Variants in ARHGAP15 observed in about 807,000 individuals in gnomAD.
ARHGAP15 encodes the protein Rho GTPase activating protein 15.
Under a neutral mutation model 63.7 loss-of-function variants are expected in ARHGAP15, and 51 were observed. That is an observed-to-expected ratio of 0.80 (90% CI 0.64 to 1.01). The LOEUF (loss-of-function observed/expected upper bound fraction) is 1.01. ARHGAP15 is among the 50% of genes least tolerant of loss of function. The pLI is 0.00. For synonymous variants in ARHGAP15, 191 were observed against 193.8 expected, an observed-to-expected ratio of 0.99 and a Z score of 0.12; for missense variants, 560 against 564.6, an observed-to-expected ratio of 0.99 and a Z score of 0.08.
chr2:143,434,651 G>A (rs550798685), intron 6 of ARHGAP15, among the ~76,000 whole-genome samples: 1 of 152,210 alleles, frequency 6.6e-6, no homozygotes, highest in East Asian at 1.9e-4. Flanking sequence ...CTAAACCCCT[G>A]AACTCTGTGT....
chr2:143,195,005 C>T (rs1047555688), intron 2 of ARHGAP15, among the ~76,000 whole-genome samples: 21 of 151,954 alleles, frequency 1.4e-4, no homozygotes, highest in Middle Eastern at 3.4e-3. Context: ...GTGCCAGGAG[C>T]GAGAGGCTGG....
At chr2:143,439,241 G>T (rs1689753859) in intron 8 of ARHGAP15, among the ~76,000 whole-genome samples, 1 of 151,098 alleles carries the variant, frequency 6.6e-6, no homozygotes, top group Admixed American at 6.6e-5. Context: ...TGGCCAACAT[G>T]GTGAAACCCT....
intron 5 of ARHGAP15, among the ~76,000 whole-genome samples, chr2:143,243,230 G>A (rs1206223923): frequency 6.6e-6 from 1 of 151,962 alleles, no homozygotes; most frequent in East Asian, 1.9e-4. Flanking sequence ...TAATCCCACA[G>A]GTTTAATCTA....
intron 6 of ARHGAP15, among the ~76,000 whole-genome samples, chr2:143,361,057 C>T (rs1037819040): frequency 9.2e-5 from 14 of 152,196 alleles, no homozygotes; most frequent in Middle Eastern, 3.4e-3. Context: ...GCACGTTCCA[C>T]GCATGAGTTC....
chr2:143,589,686 C>T (rs1407723517), intron 11 of ARHGAP15, among the ~76,000 whole-genome samples: 1 of 152,128 alleles, frequency 6.6e-6, no homozygotes, highest in African/African-American at 2.4e-5. Context: ...TTTCAACAAA[C>T]ATCAATCAAA....
At chr2:143,517,317 A>C (rs1033301492) in intron 9 of ARHGAP15, among the ~76,000 whole-genome samples, 1 of 152,184 alleles carries the variant, frequency 6.6e-6, no homozygotes, top group Non-Finnish European at 1.5e-5. Context: ...AATTCAAACC[A>C]TTATGTTTTC....
At chr2:143,672,734 A>G (rs1682590131) in intron 12 of ARHGAP15, among the ~76,000 whole-genome samples, 4 of 152,202 alleles carry the variant, frequency 2.6e-5, no homozygotes, top group African/African-American at 9.7e-5. Flanking sequence ...ATGAATTTCC[A>G]CATTATTTGC....
chr2:143,382,316 T>G (rs967692840), intron 6 of ARHGAP15, among the ~76,000 whole-genome samples: 1 of 152,138 alleles, frequency 6.6e-6, no homozygotes, highest in Non-Finnish European at 1.5e-5. Context: ...CAGGGCACGC[T>G]CCCACTGAAA....
chr2:143,432,138 A>G (rs2105080562), intron 6 of ARHGAP15, among the ~76,000 whole-genome samples: 1 of 152,166 alleles, frequency 6.6e-6, no homozygotes, highest in East Asian at 1.9e-4. Flanking sequence ...TTGATTCTTT[A>G]TCTTTATTTT....
At chr2:143,584,500 C>T (rs1697029315) in intron 11 of ARHGAP15, among the ~76,000 whole-genome samples, 2 of 151,964 alleles carry the variant, frequency 1.3e-5, no homozygotes, top group African/African-American at 4.8e-5. Flanking sequence ...GTGGCAGGCA[C>T]CTGTAATCCC....
At chr2:143,623,429 T>C (rs1698718277) in intron 11 of ARHGAP15, among the ~76,000 whole-genome samples, 2 of 152,196 alleles carry the variant, frequency 1.3e-5, no homozygotes, top group Non-Finnish European at 2.9e-5. Flanking sequence ...TTGTGGTTTG[T>C]CTTTAGTGTG....
intron 4 of ARHGAP15, among the ~76,000 whole-genome samples, chr2:143,223,204 C>T (rs1182958891): frequency 6.6e-6 from 1 of 152,024 alleles, no homozygotes; most frequent in Non-Finnish European, 1.5e-5. Flanking sequence ...AAACTCCTGA[C>T]CTCAAGTGAT....
At position 143,623,208 on chromosome 2, in the gene ARHGAP15, C is replaced by T. The variant is rs559019023; in HGVS notation, c.1004-925C>T. Among the ~76,000 whole-genome samples the T allele has an allele frequency of 1.6e-3, 240 of 152,296 alleles. 2 individuals are homozygous for T. The highest frequency in any genetic ancestry group is 2.8e-3 in the Non-Finnish European group (191 of 68,022). ...CTTTTAATTTTATGTCAAGATGTCCCTTTCAGACGTGAATGCATCCACTTC... is the reference window on the plus strand; with the variant it reads ...CTTTTAATTTTATGTCAAGATGTCCTTTTCAGACGTGAATGCATCCACTTC... On this transcript the variant is annotated intron_variant, in intron 11 of 13. Transcript: ENST00000295095.
Position 143,496,344 on chromosome 2 carries a change from G to T in ARHGAP15, c.826+8849G>T, listed in dbSNP as rs151284820. The stretch of plus-strand genomic sequence containing the variant: ...GCACACAGGAAACAATCCAGGTCTT[G>T]TGAGATATTAAAAGCAGAATAGCTT... On this transcript the variant is annotated intron_variant, in intron 9 of 13. Transcript: ENST00000295095. Among the ~76,000 whole-genome samples the T allele has an allele frequency of 3.6e-3, 545 of 152,288 alleles. 4 individuals are homozygous for T. The highest frequency in any genetic ancestry group is 0.012 in the African/African-American group (486 of 41,562).
intron 3 of ARHGAP15, among the ~76,000 whole-genome samples, chr2:143,202,657 G>A (rs1692166938): frequency 2.6e-5 from 4 of 152,156 alleles, no homozygotes; most frequent in Middle Eastern, 6.8e-3. Context: ...CATTCTTTTG[G>A]TTAAAATTAA....
chr2:143,237,214 A>G (rs1693688208), intron 5 of ARHGAP15: 1 of 152,144 alleles, frequency 6.6e-6, no homozygotes, highest in South Asian at 2.1e-4. Context: ...TGTATATATA[A>G]CTTAAAAACA....
rs189770212 is a variant in ARHGAP15 at position 143,515,440 on chromosome 2, T to C, written c.827-3826T>C. Among the ~76,000 whole-genome samples, 446 of 152,346 alleles carry C rather than the reference T, an allele frequency of 2.9e-3. 2 individuals are homozygous for C. The highest frequency in any genetic ancestry group is 0.01 in the African/African-American group (424 of 41,578). On this transcript the variant is annotated intron_variant, in intron 9 of 13. Coordinates refer to ENST00000295095, the MANE Select transcript of ARHGAP15 (RefSeq NM_018460.4). ...AGGGTCTCAAGTTTTGTTGCTTATT[T>C]TTAATACATTAGCTGCTGTTCTTAG...
chr2:143,330,742 A>AACCGCGGCCG (rs1684512734), intron 6 of ARHGAP15, among the ~76,000 whole-genome samples: 1 of 152,230 alleles, frequency 6.6e-6, no homozygotes, highest in African/African-American at 2.4e-5. Flanking sequence ...GGCAATAAAT[A>AACCGCGGCCG]TACACAGGAT....
chr2:143,668,273 CTATTT>C (rs1441888655), intron 12 of ARHGAP15, among the ~76,000 whole-genome samples: 2 of 146,338 alleles, frequency 1.4e-5, no homozygotes, highest in South Asian at 4.3e-4. Flanking sequence ...TGCCTTGATT[CTATTT>C]TCTTTTTTTT....
Sources: gnomAD v4.1 joint callset for allele counts (sites outside exome capture counted in the v4.1 genomes callset) on GRCh38, gnomAD v4.1.1 for gene constraint, MANE v1.5 for transcripts, NCBI Gene and HGNC (gene_info 2026-07-23, HGNC 2026-07-21) for gene names.